The following MYO16 variants were observed in gnomAD, a reference collection of about 807,000 sequenced individuals.
The protein encoded by MYO16 is myosin XVI, also known as unconventional myosin-XVI.
A neutral mutation model predicts 205.3 loss-of-function variants in MYO16; 94 were observed. That is an observed-to-expected ratio of 0.46 (90% confidence interval 0.39 to 0.54). The LOEUF (loss-of-function observed/expected upper bound fraction) is 0.54, where lower values mean the gene tolerates loss of function less well. Ranked by LOEUF, MYO16 falls within the 20% of genes least tolerant of loss-of-function variation. The probability of loss-of-function intolerance (pLI) is 0.00; values close to 1 mark genes in which losing one functional copy is unlikely to be tolerated. For synonymous variants in MYO16, 988 were observed against 954.0 expected, an observed-to-expected ratio of 1.04 and a Z score of -0.66; for missense variants, 2,315 against 2,387.5, an observed-to-expected ratio of 0.97 and a Z score of 0.63.
chr13:108,697,969 C>T (rs373207185), intron 2 of MYO16, among the ~76,000 whole-genome samples: 14 of 152,268 alleles, frequency 9.2e-5, no homozygotes, highest in East Asian at 1.9e-4. Flanking sequence ...GTGATCCACC[C>T]GCCTTGGCCT....
intron 22 of MYO16, among the ~76,000 whole-genome samples, chr13:109,013,114 A>ACCCCCCCCCCCCCC (rs1181676669): frequency 1.8e-5 from 1 of 55,128 alleles, no homozygotes; most frequent in South Asian, 9.5e-4. Context: ...CCCCTCCCCC[A>ACCCCCCCCCCCCCC]CCCCCCCCCA....
intron 4 of MYO16, among the ~76,000 whole-genome samples, chr13:108,742,138 G>A (rs1419818417): frequency 1.3e-5 from 2 of 151,948 alleles, no homozygotes; most frequent in Admixed American, 6.6e-5. Flanking sequence ...GACTACAGGC[G>A]CATGTCACCA....
chr13:109,009,132 CT>C, intron 22 of MYO16, 83 bp downstream of exon 22: 2 of 1,163,508 alleles, frequency 1.7e-6, no homozygotes, highest in South Asian at 1.8e-5. Flanking sequence ...TTCAGGACGC[CT>C]TATTTTTGAG....
rs1555305769 is a variant in MYO16 at position 108,853,954 on chromosome 13, T to TTGTGGGGG, written c.1249-1485_1249-1484insGGGGTGTG. Among the ~76,000 whole-genome samples, 200 of 138,594 alleles carry TTGTGGGGG rather than the reference T, an allele frequency of 1.4e-3. 2 individuals carry two copies. Among genetic ancestry groups the TTGTGGGGG allele is most frequent in the African/African-American group, 5.0e-3 (186 of 37,500 alleles). 90.9% of individuals were successfully genotyped at this position (138,594 alleles called of 152,430 possible). A position where few individuals can be genotyped will look rare whatever the true frequency, so the allele number is the denominator to read the frequency against. ...CACTACTCAATTTGTGTTTCTATTA[T>TTGTGGGGG]TGTGTGTGTGTGTGTGTGTGTGTGT... is the stretch of plus-strand genomic sequence containing the variant. On this transcript the variant is annotated intron_variant, in intron 10 of 34. Transcript: ENST00000457511.
chr13:108,615,735 G>T (rs183285091), intron 1 of MYO16, among the ~76,000 whole-genome samples: 1 of 152,252 alleles, frequency 6.6e-6, no homozygotes, highest in Admixed American at 6.5e-5. Flanking sequence ...TGTACGAAAT[G>T]TCCAGAATTG....
At chr13:108,874,833 C>G (rs905523263) in intron 12 of MYO16, among the ~76,000 whole-genome samples, 1 of 151,966 alleles carries the variant, frequency 6.6e-6, no homozygotes. Context: ...CCCAGGCCTA[C>G]AGAGTGAGAT....
chr13:108,863,263 C>T (rs1878539881), intron 11 of MYO16, among the ~76,000 whole-genome samples: 1 of 152,084 alleles, frequency 6.6e-6, no homozygotes, highest in African/African-American at 2.4e-5. Context: ...AGTGCCCTAT[C>T]CATTGCCAAT....
At chr13:108,517,654 C>T in the MYO16 span, among the ~76,000 whole-genome samples, 1 of 152,178 alleles carries the variant, frequency 6.6e-6, no homozygotes, top group Non-Finnish European at 1.5e-5. Flanking sequence ...ATAATATATT[C>T]ATGTCAGGGA....
intron 3 of MYO16, among the ~76,000 whole-genome samples, chr13:108,719,898 A>G (rs1801574476): frequency 6.6e-6 from 1 of 152,174 alleles, no homozygotes; most frequent in Non-Finnish European, 1.5e-5. Context: ...GTGTTGCCTA[A>G]TAAAATCTAG....
intron 32 of MYO16, among the ~76,000 whole-genome samples, chr13:109,161,373 GCCCTC>G (rs1878374761): frequency 6.6e-6 from 1 of 152,340 alleles, no homozygotes; most frequent in East Asian, 1.9e-4. Context: ...GGACTGCTGA[GCCCTC>G]TGGGCCTCAG....
At chr13:109,147,015 G>A (rs1025464249) in intron 32 of MYO16, among the ~76,000 whole-genome samples, 4 of 151,736 alleles carry the variant, frequency 2.6e-5, no homozygotes, top group East Asian at 1.9e-4. Context: ...CAGTCTTCAC[G>A]AGCATGAAGC....
At chr13:109,152,120 A>G (rs1877704612) in intron 32 of MYO16, among the ~76,000 whole-genome samples, 2 of 152,204 alleles carry the variant, frequency 1.3e-5, no homozygotes, top group South Asian at 4.1e-4. Flanking sequence ...AAAATTTTTT[A>G]TGAGAATTTG....
the MYO16 span, among the ~76,000 whole-genome samples, chr13:108,557,911 T>C: frequency 2.0e-5 from 3 of 152,160 alleles, no homozygotes; most frequent in African/African-American, 7.2e-5. Context: ...TATACACATA[T>C]AGATAGATAG....
intron 20 of MYO16, among the ~76,000 whole-genome samples, chr13:108,984,384 G>C (rs1308438240): frequency 1.3e-5 from 2 of 152,122 alleles, no homozygotes; most frequent in Non-Finnish European, 2.9e-5. Context: ...TGGAGAGCCT[G>C]GATTCCTGCC....
chr13:108,616,751 T>C (rs1353700161), intron 1 of MYO16, among the ~76,000 whole-genome samples: 1 of 152,120 alleles, frequency 6.6e-6, no homozygotes, highest in Admixed American at 6.6e-5. Flanking sequence ...GTCAAAGCAG[T>C]ACAAAAGTGT....
chr13:108,555,510 C>G, the MYO16 span, among the ~76,000 whole-genome samples: 1 of 152,108 alleles, frequency 6.6e-6, no homozygotes, highest in Admixed American at 6.5e-5. Flanking sequence ...ATGAGAAAAG[C>G]ACAAGAAAAA....
intron 2 of MYO16, among the ~76,000 whole-genome samples, chr13:108,701,975 T>G (rs1883326548): frequency 6.6e-6 from 1 of 151,706 alleles, no homozygotes; most frequent in South Asian, 2.1e-4. Flanking sequence ...AGCAGTGAAT[T>G]TAAAGATAGA....
At chr13:108,626,988 A>G (rs1364525694), upstream of MYO16, among the ~76,000 whole-genome samples, 8 of 146,384 alleles carry the variant, frequency 5.5e-5, no homozygotes, top group Admixed American at 5.5e-4. Context: ...ATATATATAT[A>G]TGATTGAAGG....
In MYO16 at chr13:108,754,335, A is replaced by G. The variant is rs139006515; in HGVS notation, c.507+26752A>G. Reference sequence around the variant, plus strand: ...AAGCTGTAGCATGCAGAACAAGCAGAGAATATCTAAGAGATTGCTTAGGGA... The same window carrying G: ...AAGCTGTAGCATGCAGAACAAGCAGGGAATATCTAAGAGATTGCTTAGGGA... On this transcript the variant is annotated intron_variant, in intron 4 of 34. Coordinates refer to ENST00000457511, the MANE Select transcript of MYO16 (RefSeq NM_001198950.3). 4.5e-4 allele frequency among the ~76,000 whole-genome samples: 68 copies of G among 152,330 alleles called. 1 individual carries two copies. The highest frequency in any genetic ancestry group is 1.6e-3 in the African/African-American group (65 of 41,576).
Sources: gnomAD v4.1 joint callset for allele counts (sites outside exome capture counted in the v4.1 genomes callset) on GRCh38, gnomAD v4.1.1 for gene constraint, MANE v1.5 for transcripts, NCBI Gene and HGNC (gene_info 2026-07-23, HGNC 2026-07-21) for gene names.